The following PEMT variants were observed in gnomAD, a reference collection of about 807,000 sequenced individuals.
The protein encoded by PEMT is phospholipid methyltransferase.
Under a neutral mutation model 27.4 loss-of-function variants are expected in PEMT, and 23 were observed. The ratio of observed to expected loss-of-function variants is 0.84; its 90% CI spans 0.60 to 1.19. PEMT has a LOEUF of 1.19. Ranked by LOEUF, PEMT falls within the 50% of genes most tolerant of loss-of-function variation. The probability of loss-of-function intolerance (pLI) is 0.00; values close to 1 mark genes in which losing one functional copy is unlikely to be tolerated. For missense variants in PEMT, 307 were observed against 310.1 expected, an observed-to-expected ratio of 0.99 and a Z score of 0.07; for synonymous variants, 137 against 139.1, an observed-to-expected ratio of 0.98 and a Z score of 0.11.
At chr17:17,508,299 G>A (rs35641752) in intron 5 of PEMT, 1 of 153,800 alleles carries the variant, frequency 6.5e-6, no homozygotes, top group Non-Finnish European at 1.4e-5. Flanking sequence ...CTGGGCCTTA[G>A]CAGGCAGAGG....
chr17:17,531,139 A>G (rs542430003), intron 2 of PEMT, among the ~76,000 whole-genome samples: 30 of 152,298 alleles, frequency 2.0e-4, no homozygotes, highest in Non-Finnish European at 4.1e-4. Context: ...TTTTCCACTA[A>G]AAATAACCAG....
At chr17:17,529,831 G>A (rs543440280) in intron 2 of PEMT, among the ~76,000 whole-genome samples, 17 of 152,316 alleles carry the variant, frequency 1.1e-4, no homozygotes, top group African/African-American at 3.6e-4. Flanking sequence ...ATCGTATAAA[G>A]ATGGAACCCA....
intron 1 of PEMT, among the ~76,000 whole-genome samples, chr17:17,587,302 T>G (rs577713543): frequency 1.1e-4 from 17 of 152,144 alleles, no homozygotes; most frequent in Admixed American, 1.1e-3. Flanking sequence ...GGGAATACTA[T>G]GAATAACACA....
intron 2 of PEMT, among the ~76,000 whole-genome samples, chr17:17,545,853 G>A (rs534606633): frequency 4.6e-5 from 7 of 152,126 alleles, no homozygotes; most frequent in Non-Finnish European, 1.0e-4. Context: ...TTGGAGGTTC[G>A]TCCTCTCTAC....
Position 17,591,665 on chromosome 17 carries a change from GCA to G in PEMT, c.-41_-40del. On this transcript the variant is annotated 5_prime_UTR_variant, in exon 1 of 7. Transcript: ENST00000255389. ...CAGGAGGCACCACGCGGGCCCCGCT[GCA>G]GCCACGCGCCCCCGGAACCGGACCT... 1 of 1,587,930 alleles carries G rather than the reference GCA, an allele frequency of 6.3e-7. No individual in the cohort carries two copies. The highest frequency in any genetic ancestry group is 1.3e-5 in the African/African-American group (1 of 74,200).
At chr17:17,525,413 T>G (rs1347524320) in intron 2 of PEMT, among the ~76,000 whole-genome samples, 1 of 152,222 alleles carries the variant, frequency 6.6e-6, no homozygotes, top group Non-Finnish European at 1.5e-5. Context: ...CAGAACTTCC[T>G]TCCCTGCCTG....
chr17:17,511,249 C>A (rs763368334), intron 4 of PEMT, among the ~76,000 whole-genome samples: 7 of 152,202 alleles, frequency 4.6e-5, no homozygotes, highest in Non-Finnish European at 7.3e-5. Context: ...GCACCTGCCC[C>A]CACCTGGCAG....
intron 2 of PEMT, among the ~76,000 whole-genome samples, chr17:17,556,431 T>C (rs575738740): frequency 2.0e-5 from 3 of 151,630 alleles, no homozygotes; most frequent in South Asian, 2.1e-4. Context: ...CAGAATGCAA[T>C]GGGATGATCT....
chr17:17,517,100 C>T (rs1351923387), intron 3 of PEMT, among the ~76,000 whole-genome samples: 2 of 152,210 alleles, frequency 1.3e-5, no homozygotes, highest in Non-Finnish European at 2.9e-5. Context: ...GCCTCAAGGA[C>T]CCGCGTCCTG....
At chr17:17,570,477 G>T (rs1047237465) in intron 2 of PEMT, 7 of 980,798 alleles carry the variant, frequency 7.1e-6, no homozygotes, top group Non-Finnish European at 7.3e-6. Context: ...CTGGACACCT[G>T]TAGTGCCAGG....
At chr17:17,580,010 C>A (rs568548210) in intron 1 of PEMT, among the ~76,000 whole-genome samples, 1 of 152,178 alleles carries the variant, frequency 6.6e-6, no homozygotes, top group African/African-American at 2.4e-5. Flanking sequence ...TAGGCCCACA[C>A]TCCCCAGAGC....
In PEMT at chr17:17,561,504, G is replaced by A. The variant is rs113691730; in HGVS notation, c.204+15416C>T. Reference sequence around the variant, plus strand: ...TGGGGTGGCTGCCCGAGGGGGAAGCGGACGGTAAGGCTGGAGGTAGGAAGA... The same window carrying A: ...TGGGGTGGCTGCCCGAGGGGGAAGCAGACGGTAAGGCTGGAGGTAGGAAGA... On this transcript the variant is annotated intron_variant, in intron 2 of 6. Transcript: ENST00000255389. This position sits in a 1 kb window ranked among gnomAD's most constrained non-coding sequence, Gnocchi z 4.5. Among the ~76,000 whole-genome samples, 1 of 152,166 alleles carries A rather than the reference G, an allele frequency of 6.6e-6. No homozygotes were observed.
chr17:17,555,814 C>T (rs1910011318), intron 2 of PEMT, among the ~76,000 whole-genome samples: 1 of 152,208 alleles, frequency 6.6e-6, no homozygotes, highest in Admixed American at 6.5e-5. Flanking sequence ...TTTTCTGCCT[C>T]CCATCCTCTG....
intron 2 of PEMT, among the ~76,000 whole-genome samples, chr17:17,556,540 T>C (rs1050884412): frequency 1.3e-5 from 2 of 152,008 alleles, no homozygotes; most frequent in Admixed American, 6.6e-5. Flanking sequence ...CACCTGGCTG[T>C]TTTTTGTATT....
At position 17,582,085 on chromosome 17, in the gene PEMT, T is replaced by C. The variant is rs1347174137; in HGVS notation, c.97-5058A>G. 6.6e-6 allele frequency among the ~76,000 whole-genome samples: 1 copy of C among 152,160 alleles called. No homozygotes were observed. The highest frequency in any genetic ancestry group is 2.4e-5 in the African/African-American group (1 of 41,430). The stretch of plus-strand genomic sequence containing the variant: ...CTGCCTCCGGGTGTCAGAGTCTCCC[T>C]TGATGGCCTCCCCTTCACACCTGTG... On this transcript the variant is annotated intron_variant, in intron 1 of 6. Coordinates refer to ENST00000255389, the MANE Select transcript of PEMT (RefSeq NM_148172.3). This position sits in a 1 kb window ranked among gnomAD's most constrained non-coding sequence, Gnocchi z 4.9.
chr17:17,547,505 C>A (rs954681855), intron 2 of PEMT, among the ~76,000 whole-genome samples: 1 of 152,230 alleles, frequency 6.6e-6, no homozygotes, highest in African/African-American at 2.4e-5. Flanking sequence ...CTGTGGCGTG[C>A]AGGATGAAAA....
At chr17:17,506,988 A>C (rs1905913256) in intron 5 of PEMT, 1 of 638,854 alleles carries the variant, frequency 1.6e-6, no homozygotes, top group African/African-American at 1.8e-5. Context: ...AGCATACAGC[A>C]GGCCCAAGGC....
chr17:17,591,021 T>C (rs1284354460), intron 1 of PEMT, among the ~76,000 whole-genome samples: 6 of 152,126 alleles, frequency 3.9e-5, no homozygotes, highest in Admixed American at 3.9e-4. Flanking sequence ...ACCACTCTCT[T>C]GCCTCTGGGC....
intron 2 of PEMT, among the ~76,000 whole-genome samples, chr17:17,558,574 T>C (rs1212225605): frequency 6.7e-6 from 1 of 150,366 alleles, no homozygotes; most frequent in Non-Finnish European, 1.5e-5. Context: ...TATTCCCAGC[T>C]ACTTGGGCTG....
Sources: gnomAD v4.1 joint callset for allele counts (sites outside exome capture counted in the v4.1 genomes callset) on GRCh38, gnomAD v4.1.1 for gene constraint, Gnocchi (gnomAD v3.1) non-coding constraint, MANE v1.5 for transcripts, NCBI Gene and HGNC (gene_info 2026-07-23, HGNC 2026-07-21) for gene names.